Variants in EPC2 observed in about 807,000 individuals in gnomAD.
EPC2 encodes the protein enhancer of polycomb 2, also known as enhancer of polycomb homolog 2.
Under a neutral mutation model 92.1 loss-of-function variants are expected in EPC2, and 14 were observed. The observed-to-expected ratio is 0.15, with a 90% CI of 0.10 to 0.24. The LOEUF (loss-of-function observed/expected upper bound fraction) is 0.24. Among genes scored for constraint, EPC2 ranks in the 10% least tolerant of loss-of-function variants. The pLI, the probability that EPC2 is intolerant of heterozygous loss-of-function variation, is 1.00. For missense variants in EPC2, 755 were observed against 971.5 expected, an observed-to-expected ratio of 0.78 and a Z score of 2.96; for synonymous variants, 340 against 334.7, an observed-to-expected ratio of 1.02 and a Z score of -0.17.
At chr2:148,762,152 C>T in intron 5 of EPC2, 1 of 285,454 alleles carries the variant, frequency 3.5e-6, no homozygotes, top group Non-Finnish European at 6.4e-6. Context: ...ACTGTAGATC[C>T]TATACTTAAT....
At chr2:148,766,089 A>G (rs1683402994) in intron 7 of EPC2, among the ~76,000 whole-genome samples, 1 of 152,214 alleles carries the variant, frequency 6.6e-6, no homozygotes, top group South Asian at 2.1e-4. Context: ...AATATTGTGT[A>G]TCACCTGCTC....
chr2:148,675,734 A>C (rs1230964905), intron 1 of EPC2, among the ~76,000 whole-genome samples: 1 of 152,138 alleles, frequency 6.6e-6, no homozygotes, highest in Admixed American at 6.5e-5. Context: ...TCTTGTGCTG[A>C]TGGCCTATCT....
intron 2 of EPC2, among the ~76,000 whole-genome samples, chr2:148,708,695 C>T (rs1442494964): frequency 1.3e-5 from 2 of 152,136 alleles, no homozygotes; most frequent in Non-Finnish European, 2.9e-5. Flanking sequence ...TCAACATATG[C>T]AAATCAATAA....
At chr2:148,675,485 T>C (rs1681245028) in intron 1 of EPC2, among the ~76,000 whole-genome samples, 1 of 152,216 alleles carries the variant, frequency 6.6e-6, no homozygotes. Flanking sequence ...CATTTTCTTC[T>C]GTTCATTTTT....
At chr2:148,677,647 G>A (rs866333306) in intron 1 of EPC2, among the ~76,000 whole-genome samples, 7 of 152,180 alleles carry the variant, frequency 4.6e-5, no homozygotes, top group South Asian at 2.1e-4. Flanking sequence ...GGACCCTCGC[G>A]GTGAGTGTTA....
intron 2 of EPC2, among the ~76,000 whole-genome samples, chr2:148,728,846 C>T (rs1433635944): frequency 6.6e-6 from 1 of 151,042 alleles, no homozygotes; most frequent in African/African-American, 2.4e-5. Flanking sequence ...TCCTGGCTAA[C>T]ACAGTGAAAC....
At chr2:148,647,589 G>A (rs1334567355) in intron 1 of EPC2, among the ~76,000 whole-genome samples, 1 of 146,554 alleles carries the variant, frequency 6.8e-6, no homozygotes, top group Non-Finnish European at 1.5e-5. Flanking sequence ...TTACAGGTGT[G>A]AGCCACTGCG....
At chr2:148,771,422 A>C in intron 10 of EPC2, 35 bp downstream of exon 10, 1 of 1,485,194 alleles carries the variant, frequency 6.7e-7, no homozygotes. Flanking sequence ...ATATCCTGCT[A>C]TTCTTTTTTA....
chr2:148,785,840 A>G (rs1683855971), intron 13 of EPC2, among the ~76,000 whole-genome samples: 1 of 152,244 alleles, frequency 6.6e-6, no homozygotes, highest in African/African-American at 2.4e-5. Context: ...CAAGGAGAAC[A>G]ATGAATCAGA....
At chr2:148,720,830 A>G (rs536636623) in intron 2 of EPC2, among the ~76,000 whole-genome samples, 4 of 152,144 alleles carry the variant, frequency 2.6e-5, no homozygotes, top group African/African-American at 4.8e-5. Flanking sequence ...ATAAGTCTCA[A>G]TGCGACTACC....
intron 1 of EPC2, among the ~76,000 whole-genome samples, chr2:148,665,367 AT>A (rs1019987539): frequency 6.6e-6 from 1 of 152,036 alleles, no homozygotes; most frequent in Non-Finnish European, 1.5e-5. Context: ...TACTGTTTGA[AT>A]TTTTTTTACT....
intron 1 of EPC2, among the ~76,000 whole-genome samples, chr2:148,667,693 T>G (rs1470808798): frequency 6.6e-6 from 1 of 152,220 alleles, no homozygotes; most frequent in Non-Finnish European, 1.5e-5. Context: ...CAATATTGAA[T>G]AGAACAGTTG....
At chr2:148,645,193 C>A (rs753896547) in intron 1 of EPC2, 23 bp downstream of exon 1, 6 of 1,529,128 alleles carry the variant, frequency 3.9e-6, no homozygotes, top group Admixed American at 1.8e-5. Flanking sequence ...GTGTTTATTA[C>A]CCCCCCTTCC....
rs1327199529 is a variant in EPC2 at position 148,784,912 on chromosome 2, G to A, written c.2262G>A (p.Ser754=). ...VHINTRTSAP[S]PTALKLATVA... ...TCAATACACGGACTTCAGCACCATC[G>A]CCAACAGCCTTAAAACTTGCCACAG... The change falls in exon 13 of 14, where the codon TCG becomes TCA. Residue 754 remains serine, a synonymous_variant. Coordinates refer to ENST00000258484, the MANE Select transcript of EPC2 (RefSeq NM_015630.4). 19 of 1,589,392 alleles carry A rather than the reference G, an allele frequency of 1.2e-5. No individual in the cohort carries two copies. The East Asian group carries it at 2.5e-4, about 21-fold the overall frequency.
intron 9 of EPC2, 35 bp downstream of exon 9, chr2:148,770,972 T>C: frequency 6.3e-7 from 1 of 1,598,434 alleles, no homozygotes; most frequent in African/African-American, 1.4e-5. Flanking sequence ...TTTTGTTTGC[T>C]ATCTGGAACA....
chr2:148,763,399 A>G (rs917119638), intron 6 of EPC2, among the ~76,000 whole-genome samples: 1 of 152,188 alleles, frequency 6.6e-6, no homozygotes, highest in Non-Finnish European at 1.5e-5. Flanking sequence ...CACTTGGTAC[A>G]TTAATTAAAG....
intron 1 of EPC2, among the ~76,000 whole-genome samples, chr2:148,681,366 G>A (rs1194229609): frequency 6.6e-6 from 1 of 152,048 alleles, no homozygotes; most frequent in Non-Finnish European, 1.5e-5. Flanking sequence ...TTGGGGGAGG[G>A]GGCTGTGTGG....
At chr2:148,698,633 C>CAAAAAAAA in intron 2 of EPC2, among the ~76,000 whole-genome samples, 1 of 57,016 alleles carries the variant, frequency 1.8e-5, no homozygotes, top group Non-Finnish European at 2.8e-5. Flanking sequence ...GACTCCATCT[C>CAAAAAAAA]AAAAAAAAAA....
intron 1 of EPC2, among the ~76,000 whole-genome samples, chr2:148,655,941 A>G (rs1000452874): frequency 2.7e-5 from 4 of 149,774 alleles, no homozygotes; most frequent in East Asian, 2.0e-4. Flanking sequence ...AAGCATATAC[A>G]TAAAAAGTGT....
Sources: gnomAD v4.1 joint callset for allele counts (sites outside exome capture counted in the v4.1 genomes callset) on GRCh38, gnomAD v4.1.1 for gene constraint, MANE v1.5 for transcripts, NCBI Gene and HGNC (gene_info 2026-07-23, HGNC 2026-07-21) for gene names.